Variants in LPP observed in about 807,000 individuals in gnomAD.
LPP encodes LIM domain containing preferred translocation partner in lipoma, also known as lipoma-preferred partner.
LPP carries 38 observed loss-of-function variants against 60.4 expected under a neutral mutation model. The ratio of observed to expected loss-of-function variants is 0.63; its 90% CI spans 0.49 to 0.83. LPP has a LOEUF of 0.83. LPP is among the 40% of genes least tolerant of loss of function. The probability of loss-of-function intolerance (pLI) is 0.00; values close to 1 mark genes in which losing one functional copy is unlikely to be tolerated. For missense variants in LPP, 902 were observed against 783.6 expected, an observed-to-expected ratio of 1.15 and a Z score of -1.80; for synonymous variants, 328 against 290.8, an observed-to-expected ratio of 1.13 and a Z score of -1.30.
At chr3:188,439,797 T>C (rs540259349) in intron 4 of LPP, among the ~76,000 whole-genome samples, 1 of 152,314 alleles carries the variant, frequency 6.6e-6, no homozygotes, top group South Asian at 2.1e-4. Context: ...CTAGTTATTG[T>C]TCACTATATT....
intron 8 of LPP, among the ~76,000 whole-genome samples, chr3:188,717,750 A>C (rs1714643774): frequency 6.6e-6 from 1 of 152,202 alleles, no homozygotes; most frequent in South Asian, 2.1e-4. Context: ...AATAAATAAT[A>C]ATTCTGAGCA....
intron 7 of LPP, among the ~76,000 whole-genome samples, chr3:188,690,524 T>C (rs1314197536): frequency 6.6e-6 from 1 of 152,200 alleles, no homozygotes; most frequent in Non-Finnish European, 1.5e-5. Context: ...AATCTACAAG[T>C]TGGAATGGAT....
intron 5 of LPP, among the ~76,000 whole-genome samples, chr3:188,493,155 G>A (rs940501908): frequency 1.4e-4 from 21 of 152,060 alleles, no homozygotes; most frequent in African/African-American, 4.8e-4. Context: ...AAAATGAGTT[G>A]TTATTGCCTT....
At position 188,266,017 on chromosome 3, in the gene LPP, C is replaced by T. The variant is rs1735410995; in HGVS notation, c.-67+40490C>T. 3.3e-5 allele frequency among the ~76,000 whole-genome samples: 5 copies of T among 152,100 alleles called. No homozygotes were observed. In the South Asian group the frequency reaches 8.3e-4, roughly 25 times the overall value. ...TTTATATGTCTTTACTTCTCTGTTG[C>T]TGCCTGGTTCTGCTCCTTCTCATGC... On this transcript the variant is annotated intron_variant, in intron 2 of 11. Coordinates refer to ENST00000617246, the MANE Select transcript of LPP (RefSeq NM_001375462.1).
At chr3:188,301,396 G>C (rs1401943854) in intron 2 of LPP, among the ~76,000 whole-genome samples, 1 of 152,166 alleles carries the variant, frequency 6.6e-6, no homozygotes, top group East Asian at 1.9e-4. Flanking sequence ...AATCAGGAGG[G>C]AAGGTCAGAA....
chr3:188,539,720 C>T (rs1313357254), intron 6 of LPP, among the ~76,000 whole-genome samples: 1 of 152,110 alleles, frequency 6.6e-6, no homozygotes, highest in African/African-American at 2.4e-5. Context: ...TGTGAAAATA[C>T]AATATCTTGT....
chr3:188,391,001 G>T lies in LPP; in HGVS notation c.-9-15111G>T, dbSNP rs964813001. On this transcript the variant is annotated intron_variant, in intron 3 of 11. Coordinates refer to ENST00000617246, the MANE Select transcript of LPP (RefSeq NM_001375462.1). ...CCTATTCCCTTTTAAACTGTATCGG[G>T]CATGTGTGTTATGTGACCTTTGTGT... Among the ~76,000 whole-genome samples, 7 of 152,158 alleles carry T rather than the reference G, an allele frequency of 4.6e-5. No homozygotes were observed. In the South Asian group the frequency reaches 1.2e-3, roughly 27 times the overall value.
Position 188,876,727 on chromosome 3 carries a change from A to G in LPP, c.*2248A>G, listed in dbSNP as rs1006619221. The G allele has an allele frequency of 5.3e-6, 1 of 188,006 alleles. No individual in the cohort carries two copies. Among genetic ancestry groups the G allele is most frequent in the Non-Finnish European group, 1.1e-5 (1 of 89,188 alleles). 11.6% of individuals were successfully genotyped at this position (188,006 alleles called of 1,614,324 possible). A position where few individuals can be genotyped will look rare whatever the true frequency, so the allele number is the denominator to read the frequency against. ...ATAGATTGTATCTCTTAAAGTGGTC[A>G]TATTATTATTAATTTTGCCAAAAGA... On this transcript the variant is annotated 3_prime_UTR_variant, in exon 12 of 12. Coordinates refer to ENST00000617246, the MANE Select transcript of LPP (RefSeq NM_001375462.1).
chr3:188,356,573 G>A (rs1287241658), intron 3 of LPP, among the ~76,000 whole-genome samples: 1 of 152,150 alleles, frequency 6.6e-6, no homozygotes, highest in Non-Finnish European at 1.5e-5. Flanking sequence ...TGCTTAACCT[G>A]CCTACCTGTT....
At chr3:188,269,645 ATGTGTGTGTGTGTGTGTG>A (rs368115626) in intron 2 of LPP, among the ~76,000 whole-genome samples, 3 of 136,454 alleles carry the variant, frequency 2.2e-5, no homozygotes, top group Non-Finnish European at 4.6e-5. Context: ...CTTTTTTTTT[ATGTGTGTGTGTGTGTGTG>A]TGTGTGTGTG....
intron 2 of LPP, among the ~76,000 whole-genome samples, chr3:188,303,806 C>T (rs939061569): frequency 6.6e-6 from 1 of 152,072 alleles, no homozygotes; most frequent in African/African-American, 2.4e-5. Context: ...TTTTGTAAGA[C>T]AGGGTTGGCC....
At chr3:188,260,398 G>T (rs1027263692) in intron 2 of LPP, among the ~76,000 whole-genome samples, 4 of 151,996 alleles carry the variant, frequency 2.6e-5, no homozygotes, top group African/African-American at 7.3e-5. Context: ...ATAATGTGGG[G>T]TGTCTTGTGC....
intron 7 of LPP, among the ~76,000 whole-genome samples, chr3:188,669,460 G>A (rs371194577): frequency 3.3e-5 from 5 of 152,066 alleles, no homozygotes; most frequent in Non-Finnish European, 7.4e-5. Context: ...CCTGTAGTCC[G>A]AGCTACTCGG....
At chr3:188,693,578 A>G (rs1156602762) in intron 7 of LPP, among the ~76,000 whole-genome samples, 1 of 152,184 alleles carries the variant, frequency 6.6e-6, no homozygotes, top group African/African-American at 2.4e-5. Flanking sequence ...ATAGGGCTGC[A>G]TAGACTGAGG....
At chr3:188,281,616 A>AAAG (rs1560196005) in intron 2 of LPP, among the ~76,000 whole-genome samples, 4 of 150,722 alleles carry the variant, frequency 2.7e-5, no homozygotes, top group Admixed American at 1.3e-4. Flanking sequence ...AAAAAAAAAA[A>AAAG]AAAAAAGCTC....
At chr3:188,701,939 T>C (rs1181334882) in intron 7 of LPP, among the ~76,000 whole-genome samples, 2 of 135,242 alleles carry the variant, frequency 1.5e-5, no homozygotes, top group Admixed American at 9.3e-5. Flanking sequence ...GTTCTGTTTT[T>C]TTCCCTTTTT....
chr3:188,403,287 G>A (rs539980302), intron 3 of LPP, among the ~76,000 whole-genome samples: 4 of 152,158 alleles, frequency 2.6e-5, no homozygotes, highest in East Asian at 1.9e-4. Context: ...TGCTATATCC[G>A]AAAAGCCAAG....
At chr3:188,661,895 T>TG (rs998596828) in intron 7 of LPP, among the ~76,000 whole-genome samples, 1 of 152,178 alleles carries the variant, frequency 6.6e-6, no homozygotes. Context: ...GCAGCAGACT[T>TG]GGGGATATAA....
intron 9 of LPP, among the ~76,000 whole-genome samples, chr3:188,771,022 T>C (rs1424751905): frequency 6.6e-6 from 1 of 152,236 alleles, no homozygotes; most frequent in East Asian, 1.9e-4. Flanking sequence ...AGTTTATTTT[T>C]GCCCAGATGG....
Sources: gnomAD v4.1 joint callset for allele counts (sites outside exome capture counted in the v4.1 genomes callset) on GRCh38, gnomAD v4.1.1 for gene constraint, MANE v1.5 for transcripts, NCBI Gene and HGNC (gene_info 2026-07-23, HGNC 2026-07-21) for gene names.